Variants in KPNA1 observed in about 807,000 individuals in gnomAD.
KPNA1 encodes karyopherin subunit alpha 1.
In KPNA1, 10 loss-of-function variants were observed where a neutral mutation model predicts 70.5. The observed-to-expected ratio is 0.14, with a 90% CI of 0.09 to 0.24. The LOEUF (loss-of-function observed/expected upper bound fraction) is 0.24. Ranked by LOEUF, KPNA1 falls within the 10% of genes least tolerant of loss-of-function variation. KPNA1 has a pLI of 1.00. For missense variants in KPNA1, 397 were observed against 637.9 expected, an observed-to-expected ratio of 0.62 and a Z score of 4.07; for synonymous variants, 192 against 221.9, an observed-to-expected ratio of 0.87 and a Z score of 1.20.
At chr3:122,499,314 G>A (rs1225095364) in intron 1 of KPNA1, among the ~76,000 whole-genome samples, 3 of 152,086 alleles carry the variant, frequency 2.0e-5, no homozygotes, top group Non-Finnish European at 4.4e-5. Flanking sequence ...TGTTACCTTT[G>A]GATTTTCTGT....
At chr3:122,514,147 C>T (rs1226214921) in intron 1 of KPNA1, among the ~76,000 whole-genome samples, 1 of 152,174 alleles carries the variant, frequency 6.6e-6, no homozygotes, top group East Asian at 1.9e-4. Context: ...ATAATTACCA[C>T]ACCCCCGATC....
intron 1 of KPNA1, among the ~76,000 whole-genome samples, chr3:122,513,393 A>T (rs182877100): frequency 1.3e-5 from 2 of 152,246 alleles, no homozygotes; most frequent in Non-Finnish European, 2.9e-5. Context: ...GTAAAAATAC[A>T]ACAGAACTCA....
rs992680114 is a variant in KPNA1, at chr3:122,424,058, T to G, written c.*2927A>C. The G allele has an allele frequency of 6.6e-6, 1 of 152,178 alleles. No homozygotes were observed. The highest frequency in any genetic ancestry group is 2.4e-5 in the African/African-American group (1 of 41,440). 9.4% of individuals were successfully genotyped at this position (152,178 alleles called of 1,614,324 possible). A position where few individuals can be genotyped will look rare whatever the true frequency, so the allele number is the denominator to read the frequency against. ...CAATCCAACCACATCTACCTGCTGG[T>G]CCATCAGATACCAGATGCCTTTACA... is the stretch of plus-strand genomic sequence containing the variant. On this transcript the variant is annotated 3_prime_UTR_variant, in exon 14 of 14. Transcript: ENST00000344337.
chr3:122,510,138 C>A, intron 1 of KPNA1, among the ~76,000 whole-genome samples: 1 of 152,050 alleles, frequency 6.6e-6, no homozygotes, highest in East Asian at 1.9e-4. Context: ...TGATCAAATG[C>A]GAAGGAAGAA....
At chr3:122,511,109 A>C (rs1438980081) in intron 1 of KPNA1, among the ~76,000 whole-genome samples, 2 of 152,202 alleles carry the variant, frequency 1.3e-5, no homozygotes, top group Non-Finnish European at 2.9e-5. Context: ...TGGTTTTGCA[A>C]GAACAAGTAA....
At position 122,425,704 on chromosome 3, in the gene KPNA1, TTTTTA is replaced by T. The variant is rs1350975124; in HGVS notation, c.*1276_*1280del. ...TAAATGAGCCAGAAGGCAGATACTG[TTTTTA>T]TTTTGTGTGGGGGGAGGGGGAAGCG... On this transcript the variant is annotated 3_prime_UTR_variant, in exon 14 of 14. Transcript: ENST00000344337. 2.0e-5 allele frequency: 3 copies of T among 152,772 alleles called. No homozygotes were observed. The highest frequency in any genetic ancestry group is 4.4e-5 in the Non-Finnish European group (3 of 68,066). The allele number at this position is 152,772 out of a possible 1,614,324, so 9.5% of individuals were successfully genotyped here.
At chr3:122,486,671 T>G (rs376471507) in intron 2 of KPNA1, among the ~76,000 whole-genome samples, 1 of 152,100 alleles carries the variant, frequency 6.6e-6, no homozygotes. Flanking sequence ...CACTGCAAGC[T>G]CCACCTCCCA....
At chr3:122,448,424 T>G (rs142485233) in intron 9 of KPNA1, among the ~76,000 whole-genome samples, 3,243 of 152,300 alleles carry the variant, frequency 0.021, 127 homozygotes, top group African/African-American at 0.073. Context: ...TAAAAAAGGA[T>G]GAGTTCATAT....
chr3:122,443,619 G>C (rs1576289785), intron 9 of KPNA1, among the ~76,000 whole-genome samples: 1 of 152,260 alleles, frequency 6.6e-6, no homozygotes, highest in Non-Finnish European at 1.5e-5. Context: ...AAGAGAAAGA[G>C]TACAAAAGAG....
chr3:122,466,296 A>T (rs187762250), intron 3 of KPNA1, among the ~76,000 whole-genome samples: 2 of 152,276 alleles, frequency 1.3e-5, no homozygotes, highest in East Asian at 3.9e-4. Context: ...AAAAGTTCTC[A>T]GAAAGAATAA....
intron 1 of KPNA1, among the ~76,000 whole-genome samples, chr3:122,507,440 C>CAAAA (rs11406672): frequency 1.8e-5 from 2 of 113,312 alleles, no homozygotes; most frequent in South Asian, 2.8e-4. Context: ...GACTCCATCT[C>CAAAA]AAAAAAAAAA....
At chr3:122,482,314 GACC>G (rs535400288) in intron 2 of KPNA1, among the ~76,000 whole-genome samples, 39 of 152,284 alleles carry the variant, frequency 2.6e-4, no homozygotes, top group Non-Finnish European at 4.7e-4. Flanking sequence ...AATCTTATGG[GACC>G]ACATCATATA....
At chr3:122,455,557 C>T (rs11705725) in intron 5 of KPNA1, among the ~76,000 whole-genome samples, 11,351 of 151,756 alleles carry the variant, frequency 0.075, 543 homozygotes, top group Middle Eastern at 0.13. Flanking sequence ...TTTATATTTT[C>T]TTTTTTTTCT....
At chr3:122,503,403 A>C (rs56029517) in intron 1 of KPNA1, among the ~76,000 whole-genome samples, 20,199 of 152,274 alleles carry the variant, frequency 0.13, 1,419 homozygotes, top group Middle Eastern at 0.27. Context: ...CTTTTTAAAA[A>C]ATCTAAAAGG....
intron 1 of KPNA1, among the ~76,000 whole-genome samples, chr3:122,500,280 C>G (rs2107502402): frequency 6.6e-6 from 1 of 151,972 alleles, no homozygotes; most frequent in East Asian, 1.9e-4. Flanking sequence ...CACCACCACG[C>G]CTGGCTACTT....
chr3:122,478,790 G>C (rs1261379606), intron 2 of KPNA1, among the ~76,000 whole-genome samples: 1 of 147,382 alleles, frequency 6.8e-6, no homozygotes, highest in Admixed American at 6.8e-5. Context: ...AGCTACTCTG[G>C]AGCTGAGGCA....
intron 8 of KPNA1, 82 bp from the exon 9 acceptor site, chr3:122,449,819 C>T: frequency 1.7e-6 from 2 of 1,148,564 alleles, no homozygotes; most frequent in Non-Finnish European, 2.5e-6. Flanking sequence ...GGCAACCAGG[C>T]ATGTACTTGG....
At chr3:122,467,495 A>C in intron 2 of KPNA1, 66 bp from the exon 3 acceptor site, 2 of 899,420 alleles carry the variant, frequency 2.2e-6, no homozygotes, top group South Asian at 3.0e-5. Flanking sequence ...CAACATTCAA[A>C]TACTAGGCAC....
intron 12 of KPNA1, among the ~76,000 whole-genome samples, chr3:122,431,439 G>C (rs1439889840): frequency 6.6e-6 from 1 of 152,164 alleles, no homozygotes; most frequent in Non-Finnish European, 1.5e-5. Context: ...TTACAGACAT[G>C]AGCCACCACA....
Sources: gnomAD v4.1 joint callset for allele counts (sites outside exome capture counted in the v4.1 genomes callset) on GRCh38, gnomAD v4.1.1 for gene constraint, MANE v1.5 for transcripts, NCBI Gene and HGNC (gene_info 2026-07-23, HGNC 2026-07-21) for gene names.